The following INO80 variants were observed in gnomAD, a reference collection of about 807,000 sequenced individuals.
The protein encoded by INO80 is chromatin-remodeling ATPase INO80.
INO80 carries 20 observed loss-of-function variants against 203.4 expected under a neutral mutation model. That is an observed-to-expected ratio of 0.10 (90% CI 0.07 to 0.14). The LOEUF (loss-of-function observed/expected upper bound fraction) is 0.14, where lower values mean the gene tolerates loss of function less well. Ranked by LOEUF, INO80 falls within the 10% of genes least tolerant of loss-of-function variation. The pLI is 1.00. For synonymous variants in INO80, 726 were observed against 685.2 expected (o/e 1.06, Z -0.93); for missense variants, 1,419 against 1,914.4 (o/e 0.74, Z 4.83).
chr15:41,070,946 A>G (rs1041140604), intron 12 of INO80, among the ~76,000 whole-genome samples: 3 of 152,244 alleles, frequency 2.0e-5, no homozygotes, highest in Non-Finnish European at 4.4e-5. Flanking sequence ...AGGCAGGCAT[A>G]TCGCATGAGC....
chr15:41,098,575 G>A (rs922307767), intron 1 of INO80, among the ~76,000 whole-genome samples: 3 of 152,142 alleles, frequency 2.0e-5, no homozygotes, highest in African/African-American at 7.2e-5. Flanking sequence ...TCGGGAGGCT[G>A]AAGTGGGAGG....
At chr15:41,082,976 T>A (rs541712045) in intron 7 of INO80, among the ~76,000 whole-genome samples, 121 of 152,040 alleles carry the variant, frequency 8.0e-4, no homozygotes, top group African/African-American at 2.7e-3. Flanking sequence ...TCCCATAACT[T>A]TCCCATCAAG....
chr15:41,023,116 A>G (rs2044319477), intron 25 of INO80: 1 of 358,894 alleles, frequency 2.8e-6, no homozygotes, highest in African/African-American at 2.2e-5. Context: ...AAAAAAAAAA[A>G]AAGTTAAAAA....
chr15:41,102,019 G>A (rs1327395023), intron 1 of INO80, among the ~76,000 whole-genome samples: 1 of 151,916 alleles, frequency 6.6e-6, no homozygotes, highest in East Asian at 2.0e-4. Context: ...GTGAAATCCC[G>A]CCTTTACTAA....
chr15:41,047,288 G>C (rs1049539024), intron 23 of INO80, 120 bp downstream of exon 23: 3 of 729,468 alleles, frequency 4.1e-6, no homozygotes, highest in African/African-American at 3.6e-5. Context: ...CTTAACAAAA[G>C]AAAATTAATG....
At chr15:41,032,537 G>A (rs913512694) in intron 24 of INO80, among the ~76,000 whole-genome samples, 18 of 152,100 alleles carry the variant, frequency 1.2e-4, no homozygotes, top group Non-Finnish European at 2.4e-4. Flanking sequence ...AAGAGTTTTT[G>A]AAAACTTCCT....
intron 7 of INO80, among the ~76,000 whole-genome samples, chr15:41,083,149 G>A (rs893203576): frequency 1.3e-5 from 2 of 151,718 alleles, no homozygotes; most frequent in East Asian, 2.0e-4. Context: ...GCCAGGTGTC[G>A]TGGCGGGTGC....
chr15:41,067,126 G>C (rs970865835), intron 14 of INO80, among the ~76,000 whole-genome samples: 3 of 152,098 alleles, frequency 2.0e-5, no homozygotes, highest in Non-Finnish European at 2.9e-5. Flanking sequence ...GCCCAGGCTG[G>C]AGTGCAGTGG....
At chr15:41,074,240 G>A in intron 10 of INO80, 130 bp downstream of exon 10, 1 of 549,736 alleles carries the variant, frequency 1.8e-6, no homozygotes, top group East Asian at 3.1e-5. Context: ...CCCTACTCCA[G>A]TACAATAAAT....
chr15:40,987,779 C>T lies in INO80; in HGVS notation c.3729+37G>A, dbSNP rs187311605. ...TCAATGTGGTTGGACTTTCTGTTTG[C>T]TCCACCAGTGTAGGAATTTCTTTCT... On this transcript the variant is annotated intron_variant, in intron 30 of 35. Coordinates refer to ENST00000648947, the MANE Select transcript of INO80 (RefSeq NM_017553.3). The T allele has an allele frequency of 1.7e-5, 27 of 1,590,780 alleles. No homozygotes were observed. In the East Asian group the frequency reaches 5.0e-4, roughly 29 times the overall value.
chr15:41,043,368 C>T (rs2044701193), intron 24 of INO80, among the ~76,000 whole-genome samples: 1 of 152,118 alleles, frequency 6.6e-6, no homozygotes, highest in Admixed American at 6.6e-5. Context: ...TACCAGTGTT[C>T]CCAGTAGACA....
In INO80 at chr15:41,038,790, A is replaced by T. The variant is rs144203642; in HGVS notation, c.2907+6114T>A. Among the ~76,000 whole-genome samples, 56 of 152,128 alleles carry T rather than the reference A, an allele frequency of 3.7e-4. No individual in the cohort carries two copies. In the East Asian group the frequency reaches 8.9e-3, roughly 24 times the overall value. On this transcript the variant is annotated intron_variant, in intron 24 of 35. Coordinates refer to ENST00000648947, the MANE Select transcript of INO80 (RefSeq NM_017553.3). The stretch of plus-strand genomic sequence containing the variant: ...CTGCCTCCATTCTTCCTGATATCAC[A>T]CTCTGAGGTTAATCTTCATAAAATA...
At chr15:41,055,208 T>C (rs2044961017) in intron 18 of INO80, 39 bp downstream of exon 18, 6 of 1,162,436 alleles carry the variant, frequency 5.2e-6, no homozygotes, top group Non-Finnish European at 7.6e-6. Context: ...TTGCCTACAC[T>C]GATAGGTAGA....
intron 23 of INO80, among the ~76,000 whole-genome samples, chr15:41,045,649 T>C (rs1410562085): frequency 6.6e-6 from 1 of 151,032 alleles, no homozygotes; most frequent in African/African-American, 2.4e-5. Context: ...TCCCAGCACT[T>C]TGGGAGAATG....
At chr15:41,098,273 C>A (rs772951069) in intron 1 of INO80, among the ~76,000 whole-genome samples, 2 of 152,174 alleles carry the variant, frequency 1.3e-5, no homozygotes, top group Non-Finnish European at 2.9e-5. Flanking sequence ...AGGAGAAAAT[C>A]TTCATGACTG....
At chr15:40,996,442 C>G (rs1479151065) in intron 29 of INO80, among the ~76,000 whole-genome samples, 1 of 152,192 alleles carries the variant, frequency 6.6e-6, no homozygotes, top group Non-Finnish European at 1.5e-5. Context: ...CCTGCCTCAC[C>G]TCCCGAGTAG....
intron 1 of INO80, among the ~76,000 whole-genome samples, chr15:41,113,989 C>T (rs1306381894): frequency 1.3e-5 from 2 of 152,172 alleles, no homozygotes; most frequent in Admixed American, 1.3e-4. Flanking sequence ...CAAAATTCAG[C>T]CGGGCACGGT....
At chr15:41,056,508 C>T (rs2140548066) in intron 17 of INO80, 114 bp downstream of exon 17, 4 of 776,694 alleles carry the variant, frequency 5.2e-6, no homozygotes, top group Non-Finnish European at 6.3e-6. Context: ...TATGTGGGGA[C>T]TATAATTTAT....
At chr15:41,075,471 G>C (rs548592940) in intron 9 of INO80, among the ~76,000 whole-genome samples, 1 of 151,088 alleles carries the variant, frequency 6.6e-6, no homozygotes, top group Admixed American at 6.6e-5. Context: ...CGGGGGAGGC[G>C]GGGGGCAGAG....
Sources: allele counts gnomAD v4.1 joint callset (sites outside exome capture counted in the v4.1 genomes callset), GRCh38; gene constraint gnomAD v4.1.1; transcripts MANE v1.5; gene names NCBI Gene and HGNC (gene_info 2026-07-23, HGNC 2026-07-21).